The following RSPO2 variants were observed in gnomAD, a reference collection of about 807,000 sequenced individuals.
The protein encoded by RSPO2 is R-spondin-2.
A neutral mutation model predicts 30.9 loss-of-function variants in RSPO2; 14 were observed. The observed-to-expected ratio is 0.45, with a 90% CI of 0.30 to 0.71. The LOEUF is 0.71. RSPO2 is among the 30% of genes least tolerant of loss of function. The pLI is 0.08. For missense variants in RSPO2, 264 were observed against 301.9 expected (o/e 0.87, Z 0.93); for synonymous variants, 107 against 96.4 (o/e 1.11, Z -0.64).
intron 3 of RSPO2, chr8:107,983,382 C>T (rs545906558): frequency 6.1e-4 from 984 of 1,607,454 alleles, no homozygotes; most frequent in South Asian, 8.3e-4. Flanking sequence ...CCCAGCAGAA[C>T]ACAGACAAGG....
chr8:108,081,820 G>T, intron 2 of RSPO2: 2 of 818,826 alleles, frequency 2.4e-6, no homozygotes, highest in Non-Finnish European at 3.0e-6. Context: ...GGCTGCTTTT[G>T]CAAAGCAAAT....
At chr8:108,021,645 C>A (rs1460929821) in intron 2 of RSPO2, among the ~76,000 whole-genome samples, 1 of 152,114 alleles carries the variant, frequency 6.6e-6, no homozygotes, top group Admixed American at 6.5e-5. Context: ...TTAACCCTCT[C>A]CTTGGTGGCC....
chr8:107,982,412 G>C (rs574833565), intron 3 of RSPO2, among the ~76,000 whole-genome samples: 48 of 152,176 alleles, frequency 3.2e-4, no homozygotes, highest in Non-Finnish European at 5.6e-4. Context: ...TTTGTCCAAG[G>C]CTAATTTTCC....
chr8:108,035,383 C>T (rs1461496667), intron 2 of RSPO2, among the ~76,000 whole-genome samples: 1 of 152,194 alleles, frequency 6.6e-6, no homozygotes, highest in Non-Finnish European at 1.5e-5. Flanking sequence ...TTAGTAGTTA[C>T]CACATCGGTA....
chr8:108,009,309 A>G (rs766183054), intron 2 of RSPO2, among the ~76,000 whole-genome samples: 59 of 152,214 alleles, frequency 3.9e-4, no homozygotes, highest in Non-Finnish European at 7.9e-4. Context: ...ATGCAGAAAT[A>G]CATACAATTT....
At position 107,989,258 on chromosome 8, in the gene RSPO2, A is replaced by G; in HGVS notation, c.95-14T>C. 2 of 1,531,684 alleles carry G rather than the reference A, an allele frequency of 1.3e-6. No homozygotes were observed. The highest frequency in any genetic ancestry group is 1.7e-6 in the Non-Finnish European group (2 of 1,144,070). The allele number at this position is 1,531,684 out of a possible 1,614,324, so 94.9% of individuals were successfully genotyped here. A position where few individuals can be genotyped will look rare whatever the true frequency, so the allele number is the denominator to read the frequency against. Reference sequence around the variant, plus strand: ...ATACATAACTAGCTGTAAAAGAAAAACAAAAATTGTGTTTAATTATCAGTA... The same window carrying G: ...ATACATAACTAGCTGTAAAAGAAAAGCAAAAATTGTGTTTAATTATCAGTA... On this transcript the variant is annotated splice_polypyrimidine_tract_variant and intron_variant, in intron 2 of 5. Coordinates refer to ENST00000276659, the MANE Select transcript of RSPO2 (RefSeq NM_178565.5).
chr8:108,059,788 T>G (rs1441512136), intron 2 of RSPO2, among the ~76,000 whole-genome samples: 1 of 135,122 alleles, frequency 7.4e-6, no homozygotes, highest in South Asian at 2.4e-4. Context: ...CATTCATAGG[T>G]GGGAATTGAA....
intron 3 of RSPO2, among the ~76,000 whole-genome samples, chr8:107,963,552 G>T (rs1292803210): frequency 1.6e-5 from 1 of 62,066 alleles, no homozygotes; most frequent in Non-Finnish European, 3.6e-5. Context: ...AAAAAAAAAG[G>T]CAGGTTGCAA....
intron 2 of RSPO2, among the ~76,000 whole-genome samples, chr8:108,060,564 T>A (rs888173098): frequency 6.6e-6 from 1 of 151,806 alleles, no homozygotes; most frequent in Non-Finnish European, 1.5e-5. Context: ...CCGATTGGTG[T>A]ACCTGAAAGT....
At chr8:107,912,966 CTTTT>C (rs1399332000) in intron 5 of RSPO2, among the ~76,000 whole-genome samples, 1 of 152,024 alleles carries the variant, frequency 6.6e-6, no homozygotes, top group Admixed American at 6.6e-5. Flanking sequence ...TACTTTATTC[CTTTT>C]TTATTTTGTA....
intron 3 of RSPO2, 72 bp downstream of exon 3, chr8:107,988,984 A>G (rs1301781661): frequency 7.4e-7 from 1 of 1,358,212 alleles, no homozygotes; most frequent in East Asian, 2.5e-5. Flanking sequence ...AAAATCATTC[A>G]AAATCTTCAA....
chr8:107,983,432 T>C (rs1328306697), intron 3 of RSPO2: 5 of 1,597,788 alleles, frequency 3.1e-6, no homozygotes, highest in African/African-American at 1.3e-5. Context: ...AAACCCTCTG[T>C]AGAGGATGCA....
At chr8:108,020,313 C>T (rs1811018796) in intron 2 of RSPO2, among the ~76,000 whole-genome samples, 1 of 152,198 alleles carries the variant, frequency 6.6e-6, no homozygotes, top group South Asian at 2.1e-4. Flanking sequence ...ACTCTACCAA[C>T]GTACACGCCT....
At chr8:108,008,797 A>AAT (rs573506422) in intron 2 of RSPO2, among the ~76,000 whole-genome samples, 9,113 of 151,464 alleles carry the variant, frequency 0.06, 413 homozygotes, top group South Asian at 0.14. Flanking sequence ...CAAAAAAAAA[A>AAT]AAATAAAGAA....
At chr8:108,063,262 G>C (rs1293519653) in intron 2 of RSPO2, among the ~76,000 whole-genome samples, 2 of 151,864 alleles carry the variant, frequency 1.3e-5, no homozygotes, top group Admixed American at 1.3e-4. Context: ...AAGATGACAT[G>C]ATTGTATATC....
chr8:108,037,752 C>T (rs907619592), intron 2 of RSPO2, among the ~76,000 whole-genome samples: 1 of 152,086 alleles, frequency 6.6e-6, no homozygotes, highest in African/African-American at 2.4e-5. Context: ...TCTTATGGCC[C>T]TTAAAAATTA....
In RSPO2 at chr8:107,982,975, C is replaced by T. The variant is rs991654156; in HGVS notation, c.283+6081G>A. On this transcript the variant is annotated intron_variant, in intron 3 of 5. Coordinates refer to ENST00000276659, the MANE Select transcript of RSPO2 (RefSeq NM_178565.5). ...TTGTAATTAGTATAAATAGTGTTGG[C>T]TCCCTCAGCGCCTACGACTGGCTCC... 10 of 510,190 alleles carry T rather than the reference C, an allele frequency of 2.0e-5. No homozygotes were observed. The East Asian group carries it at 3.2e-4, about 16-fold the overall frequency. 31.6% of individuals were successfully genotyped at this position (510,190 alleles called of 1,614,324 possible).
intron 2 of RSPO2, among the ~76,000 whole-genome samples, chr8:108,062,791 T>C (rs1812516024): frequency 6.6e-6 from 1 of 151,820 alleles, no homozygotes; most frequent in African/African-American, 2.4e-5. Flanking sequence ...AATAAAATAC[T>C]GGCAAACTGA....
At chr8:107,965,356 G>A (rs1216943140) in intron 3 of RSPO2, among the ~76,000 whole-genome samples, 1 of 152,122 alleles carries the variant, frequency 6.6e-6, no homozygotes, top group Non-Finnish European at 1.5e-5. Flanking sequence ...AAAATAGGCT[G>A]AGCACCCTCT....
Sources: gnomAD v4.1 joint callset for allele counts (sites outside exome capture counted in the v4.1 genomes callset) on GRCh38, gnomAD v4.1.1 for gene constraint, MANE v1.5 for transcripts, NCBI Gene and HGNC (gene_info 2026-07-23, HGNC 2026-07-21) for gene names.